Variants in AFG1L observed in about 807,000 individuals in gnomAD.
AFG1L encodes AFG1 like ATPase, also known as AFG1-like ATPase.
Under a neutral mutation model 62.2 loss-of-function variants are expected in AFG1L, and 53 were observed. The observed-to-expected ratio is 0.85, with a 90% CI of 0.68 to 1.07. AFG1L has a LOEUF of 1.07. AFG1L is among the 50% of genes least tolerant of loss of function. The pLI is 0.00. For synonymous variants in AFG1L, 228 were observed against 210.3 expected, an observed-to-expected ratio of 1.08 and a Z score of -0.73; for missense variants, 555 against 590.5, an observed-to-expected ratio of 0.94 and a Z score of 0.62.
chr6:108,417,285 CACAA>C (rs1445755984), intron 7 of AFG1L, among the ~76,000 whole-genome samples: 62 of 70,074 alleles, frequency 8.8e-4, no homozygotes, highest in Admixed American at 6.3e-3. Context: ...CACACACACA[CACAA>C]AAAAAAAACG....
At chr6:108,373,740 C>T (rs190204641) in intron 6 of AFG1L, among the ~76,000 whole-genome samples, 1,191 of 112,874 alleles carry the variant, frequency 0.011, 6 homozygotes, top group Admixed American at 0.015. Flanking sequence ...CCATGCCCGG[C>T]TAATTTTTGT....
intron 6 of AFG1L, among the ~76,000 whole-genome samples, chr6:108,381,997 G>T (rs201776007): frequency 0.063 from 7,490 of 118,220 alleles, 537 homozygotes; most frequent in African/African-American, 0.18. Flanking sequence ...TTTATTCACT[G>T]TTTTTTTTTT....
chr6:108,437,848 A>G (rs922940355), intron 7 of AFG1L, among the ~76,000 whole-genome samples: 1 of 152,182 alleles, frequency 6.6e-6, no homozygotes, highest in African/African-American at 2.4e-5. Flanking sequence ...CTACCGTTGA[A>G]TAACTCAGTG....
rs866322614 is a variant in AFG1L, at chr6:108,336,384, G to A, written c.364-10604G>A. Among the ~76,000 whole-genome samples the A allele has an allele frequency of 3.9e-5, 6 of 152,306 alleles. No homozygotes were observed. The Middle Eastern group carries it at 0.014, about 345-fold the overall frequency. On this transcript the variant is annotated intron_variant, in intron 2 of 12. Transcript: ENST00000368977. Reference sequence around the variant, plus strand: ...CCACCCTTATTATCTAATTGTCCTAGTGGAAATGATGCCAGAGTAGCAGGT... The same window carrying A: ...CCACCCTTATTATCTAATTGTCCTAATGGAAATGATGCCAGAGTAGCAGGT...
At chr6:108,434,026 A>G (rs1004443452) in intron 7 of AFG1L, among the ~76,000 whole-genome samples, 1 of 152,234 alleles carries the variant, frequency 6.6e-6, no homozygotes, top group African/African-American at 2.4e-5. Flanking sequence ...CAAGACAGGC[A>G]CTTAAAGGGA....
At chr6:108,489,003 C>T (rs1043683721) in intron 10 of AFG1L, among the ~76,000 whole-genome samples, 1 of 152,162 alleles carries the variant, frequency 6.6e-6, no homozygotes, top group African/African-American at 2.4e-5. Context: ...TGGACAAAAT[C>T]TGAAAAATAA....
At chr6:108,473,638 A>C (rs1288565571) in intron 8 of AFG1L, among the ~76,000 whole-genome samples, 1 of 152,172 alleles carries the variant, frequency 6.6e-6, no homozygotes, top group African/African-American at 2.4e-5. Context: ...GCTCACTGCA[A>C]CCTGCGCCTC....
At chr6:108,515,872 C>A (rs1478798304) in intron 11 of AFG1L, among the ~76,000 whole-genome samples, 1 of 152,170 alleles carries the variant, frequency 6.6e-6, no homozygotes, top group Admixed American at 6.5e-5. Context: ...ACTATAAACA[C>A]CTCTATGCAA....
intron 5 of AFG1L, among the ~76,000 whole-genome samples, chr6:108,365,414 T>C (rs1443271305): frequency 6.6e-6 from 1 of 152,066 alleles, no homozygotes; most frequent in Non-Finnish European, 1.5e-5. Context: ...GTTTCATCTG[T>C]ATTATGCATT....
intron 12 of AFG1L, 111 bp from the exon 13 acceptor site, chr6:108,522,186 A>G (rs1775150062): frequency 1.1e-6 from 1 of 905,880 alleles, no homozygotes; most frequent in Non-Finnish European, 1.6e-6. Context: ...AGTTATAAAA[A>G]AAGGCATAAT....
rs66847640 is a variant in AFG1L at position 108,366,568 on chromosome 6, GT to G, written c.748+247del. ...TGTTTGGTGCACTTGCTGTTTTTTT[GT>G]TTTTTTTTTTCCCTAAATATTAGAT... On this transcript the variant is annotated intron_variant, in intron 6 of 12. Transcript: ENST00000368977. Among the ~76,000 whole-genome samples the G allele has an allele frequency of 6.3e-4, 92 of 145,394 alleles. 2 individuals are homozygous for G. Among genetic ancestry groups the G allele is most frequent in the Middle Eastern group, 3.6e-3 (1 of 280 alleles).
intron 3 of AFG1L, among the ~76,000 whole-genome samples, chr6:108,349,288 A>G (rs2114428980): frequency 6.6e-6 from 1 of 152,180 alleles, no homozygotes; most frequent in Admixed American, 6.5e-5. Context: ...GTTCAAGACC[A>G]GCCTGGGCAA....
intron 10 of AFG1L, among the ~76,000 whole-genome samples, chr6:108,477,617 GAGTT>G (rs1225738370): frequency 1.2e-4 from 19 of 152,130 alleles, no homozygotes; most frequent in Admixed American, 1.0e-3. Context: ...TTTGAGGTGA[GAGTT>G]AGGAAAAAGG....
intron 2 of AFG1L, among the ~76,000 whole-genome samples, chr6:108,338,818 A>G (rs1243084287): frequency 6.6e-6 from 1 of 152,212 alleles, no homozygotes. Context: ...GAACTCAACA[A>G]AAGATGCGAG....
At chr6:108,435,425 GC>G (rs952151778) in intron 7 of AFG1L, among the ~76,000 whole-genome samples, 4 of 152,164 alleles carry the variant, frequency 2.6e-5, no homozygotes, top group African/African-American at 9.7e-5. Flanking sequence ...AGTGGCTCAC[GC>G]CTGTAATCCA....
chr6:108,461,165 T>C (rs1035529207), intron 8 of AFG1L, among the ~76,000 whole-genome samples: 1 of 152,246 alleles, frequency 6.6e-6, no homozygotes, highest in Non-Finnish European at 1.5e-5. Flanking sequence ...TGTCTCAGAT[T>C]CAAATCAAAG....
At chr6:108,317,509 A>G (rs1283096200) in intron 1 of AFG1L, among the ~76,000 whole-genome samples, 2 of 152,178 alleles carry the variant, frequency 1.3e-5, no homozygotes, top group Non-Finnish European at 2.9e-5. Context: ...AACCAATCTT[A>G]GGTTCTATAA....
At chr6:108,521,355 T>G (rs1775117103) in intron 12 of AFG1L, 1 of 152,168 alleles carries the variant, frequency 6.6e-6, no homozygotes, top group African/African-American at 2.4e-5. Context: ...AAAAATTAGC[T>G]GGGTGTGGTG....
At chr6:108,384,080 A>AAAG (rs934110396) in intron 6 of AFG1L, among the ~76,000 whole-genome samples, 1 of 150,254 alleles carries the variant, frequency 6.7e-6, no homozygotes, top group African/African-American at 2.4e-5. Context: ...AAAAAAAAAA[A>AAAG]GGCTGGCAGA....
Sources: gnomAD v4.1 joint callset for allele counts (sites outside exome capture counted in the v4.1 genomes callset) on GRCh38, gnomAD v4.1.1 for gene constraint, MANE v1.5 for transcripts, NCBI Gene and HGNC (gene_info 2026-07-23, HGNC 2026-07-21) for gene names.